Variants in ANKS1B observed in about 807,000 individuals in gnomAD.
The protein encoded by ANKS1B is ankyrin repeat and sterile alpha motif domain-containing protein 1B.
Under a neutral mutation model 148.3 loss-of-function variants are expected in ANKS1B, and 36 were observed. The ratio of observed to expected loss-of-function variants is 0.24; its 90% CI spans 0.19 to 0.32. The LOEUF is 0.32. Ranked by LOEUF, ANKS1B falls within the 10% of genes least tolerant of loss-of-function variation. The pLI is 1.00. For synonymous variants in ANKS1B, 542 were observed against 560.8 expected, an observed-to-expected ratio of 0.97 and a Z score of 0.47; for missense variants, 1,157 against 1,542.6, an observed-to-expected ratio of 0.75 and a Z score of 4.19.
At chr12:99,843,321 A>T (rs985968112) in intron 1 of ANKS1B, among the ~76,000 whole-genome samples, 1 of 152,008 alleles carries the variant, frequency 6.6e-6, no homozygotes, top group Non-Finnish European at 1.5e-5. Flanking sequence ...TGGTTAGCCT[A>T]GGTGGGGCTA....
At chr12:99,092,015 C>G (rs1048120152) in intron 15 of ANKS1B, among the ~76,000 whole-genome samples, 1 of 152,090 alleles carries the variant, frequency 6.6e-6, no homozygotes, top group South Asian at 2.1e-4. Context: ...TTCACAGTAC[C>G]GAAGCAACAA....
At chr12:98,956,635 A>G (rs566900798) in intron 17 of ANKS1B, among the ~76,000 whole-genome samples, 1 of 151,944 alleles carries the variant, frequency 6.6e-6, no homozygotes, top group Non-Finnish European at 1.5e-5. Context: ...AGATATAAAT[A>G]GGATGCTTCA....
intron 12 of ANKS1B, among the ~76,000 whole-genome samples, chr12:99,282,645 A>G (rs1248193616): frequency 6.6e-6 from 1 of 152,182 alleles, no homozygotes; most frequent in Non-Finnish European, 1.5e-5. Context: ...CTATGAACGT[A>G]GAACTAACAA....
intron 12 of ANKS1B, among the ~76,000 whole-genome samples, chr12:99,316,011 T>C (rs1015080826): frequency 4.6e-5 from 7 of 152,338 alleles, no homozygotes; most frequent in South Asian, 2.1e-4. Context: ...CATCATTTTT[T>C]ATGGCTGCAC....
intron 15 of ANKS1B, among the ~76,000 whole-genome samples, chr12:99,144,858 C>T (rs145936381): frequency 9.1e-4 from 138 of 152,056 alleles, no homozygotes; most frequent in Non-Finnish European, 1.4e-3. Context: ...TGGCTCCTTC[C>T]CTTATAGCCC....
chr12:99,496,902 G>T (rs904025470), intron 10 of ANKS1B, among the ~76,000 whole-genome samples: 1 of 152,140 alleles, frequency 6.6e-6, no homozygotes, highest in Non-Finnish European at 1.5e-5. Context: ...CCTGAGAAAT[G>T]AAAGCCAGGC....
At chr12:99,278,020 T>A (rs548153539) in intron 12 of ANKS1B, among the ~76,000 whole-genome samples, 1 of 152,190 alleles carries the variant, frequency 6.6e-6, no homozygotes, top group African/African-American at 2.4e-5. Flanking sequence ...TTTTAAGAGA[T>A]AAAAGATAAA....
At chr12:99,914,491 T>G (rs921741088) in intron 1 of ANKS1B, among the ~76,000 whole-genome samples, 1 of 152,188 alleles carries the variant, frequency 6.6e-6, no homozygotes, top group Non-Finnish European at 1.5e-5. Context: ...CAGGCTTGGG[T>G]AAGCCATCTA....
At chr12:99,721,765 C>A (rs1451518739) in intron 8 of ANKS1B, among the ~76,000 whole-genome samples, 1 of 152,222 alleles carries the variant, frequency 6.6e-6, no homozygotes, top group Non-Finnish European at 1.5e-5. Flanking sequence ...ATGTCAAAAG[C>A]TGAGATAGGC....
intron 1 of ANKS1B, among the ~76,000 whole-genome samples, chr12:99,907,910 GA>G (rs562422821): frequency 2.1e-3 from 311 of 150,030 alleles, no homozygotes; most frequent in African/African-American, 7.4e-3. Context: ...CCCAAAAGAG[GA>G]ACAAGTAAAG....
At chr12:99,497,641 A>T (rs969747669) in intron 10 of ANKS1B, among the ~76,000 whole-genome samples, 2 of 152,100 alleles carry the variant, frequency 1.3e-5, no homozygotes, top group African/African-American at 4.8e-5. Context: ...ATTAGGGTCC[A>T]CTTAATGGCT....
intron 8 of ANKS1B, among the ~76,000 whole-genome samples, chr12:99,764,299 ATAGT>A (rs1460447957): frequency 5.3e-5 from 8 of 152,368 alleles, no homozygotes; most frequent in African/African-American, 1.4e-4. Flanking sequence ...AATGATGCAA[ATAGT>A]TAGATCTAAA....
chr12:99,488,475 T>A (rs2096523683), intron 10 of ANKS1B, among the ~76,000 whole-genome samples: 1 of 152,208 alleles, frequency 6.6e-6, no homozygotes, highest in African/African-American at 2.4e-5. Flanking sequence ...CTCTTAAAAT[T>A]TTTACCAGAA....
chr12:99,330,673 AG>A (rs2087339466), intron 12 of ANKS1B, among the ~76,000 whole-genome samples: 1 of 152,026 alleles, frequency 6.6e-6, no homozygotes, highest in Admixed American at 6.6e-5. Context: ...TAAAATCTTC[AG>A]AAAATAAATG....
intron 17 of ANKS1B, among the ~76,000 whole-genome samples, chr12:98,868,379 G>A (rs2099636367): frequency 6.6e-6 from 1 of 152,204 alleles, no homozygotes; most frequent in Non-Finnish European, 1.5e-5. Flanking sequence ...AGAATCCATG[G>A]ATGGTGCATA....
intron 22 of ANKS1B, chr12:98,794,453 G>A (rs528515107): frequency 6.5e-5 from 17 of 261,788 alleles, no homozygotes; most frequent in Admixed American, 1.5e-4. Flanking sequence ...CAAGCTTGGC[G>A]TTTGGTCGAT....
chr12:99,648,995 A>G (rs2098400318), intron 9 of ANKS1B, among the ~76,000 whole-genome samples: 1 of 152,142 alleles, frequency 6.6e-6, no homozygotes, highest in Non-Finnish European at 1.5e-5. Context: ...TGAATTTCAG[A>G]GATTTCTTAG....
chr12:99,892,665 A>G (rs1302799154), intron 1 of ANKS1B, among the ~76,000 whole-genome samples: 1 of 152,228 alleles, frequency 6.6e-6, no homozygotes, highest in African/African-American at 2.4e-5. Context: ...AAGTAGATTT[A>G]AGAAAATGAA....
intron 17 of ANKS1B, among the ~76,000 whole-genome samples, chr12:99,050,949 G>A (rs2099965647): frequency 1.3e-5 from 2 of 151,406 alleles, no homozygotes; most frequent in South Asian, 2.1e-4. Flanking sequence ...CGCCCGCCTC[G>A]ACCTCCCAAA....
Sources: allele counts gnomAD v4.1 joint callset (sites outside exome capture counted in the v4.1 genomes callset), GRCh38; gene constraint gnomAD v4.1.1; transcripts MANE v1.5; gene names NCBI Gene and HGNC (gene_info 2026-07-23, HGNC 2026-07-21).